Variants in WWTR1 observed in about 807,000 individuals in gnomAD.
WWTR1 encodes WW domain-containing transcription regulator protein 1.
In WWTR1, 13 loss-of-function variants were observed where a neutral mutation model predicts 40.1. The observed-to-expected ratio is 0.32, with a 90% CI of 0.21 to 0.52. The LOEUF is 0.52. Ranked by LOEUF, WWTR1 falls within the 20% of genes least tolerant of loss-of-function variation. The probability of loss-of-function intolerance (pLI) is 0.97; values close to 1 mark genes in which losing one functional copy is unlikely to be tolerated. For synonymous variants in WWTR1, 230 were observed against 210.1 expected (o/e 1.09, Z -0.82); for missense variants, 436 against 523.1 (o/e 0.83, Z 1.63).
At chr3:149,550,074 T>C (rs1180993347) in intron 3 of WWTR1, among the ~76,000 whole-genome samples, 3 of 152,300 alleles carry the variant, frequency 2.0e-5, no homozygotes, top group Non-Finnish European at 4.4e-5. Context: ...TCAATTTTAA[T>C]ATAAAACTAA....
chr3:149,614,050 G>A (rs1409186907), intron 2 of WWTR1, among the ~76,000 whole-genome samples: 1 of 152,158 alleles, frequency 6.6e-6, no homozygotes, highest in East Asian at 1.9e-4. Context: ...ATGTGTTCTT[G>A]CTTAAATGTC....
intron 2 of WWTR1, among the ~76,000 whole-genome samples, chr3:149,629,713 T>C (rs1466957768): frequency 6.6e-6 from 1 of 152,254 alleles, no homozygotes; most frequent in Non-Finnish European, 1.5e-5. Context: ...TTTAAACTGT[T>C]GATGACACAT....
chr3:149,640,110 C>T (rs1052409395), intron 2 of WWTR1, among the ~76,000 whole-genome samples: 1 of 152,112 alleles, frequency 6.6e-6, no homozygotes, highest in Non-Finnish European at 1.5e-5. Flanking sequence ...ATTCACGTAG[C>T]CCACTTTTCA....
At chr3:149,541,104 G>A (rs1217528142) in intron 4 of WWTR1, 1 of 452,926 alleles carries the variant, frequency 2.2e-6, no homozygotes, top group Admixed American at 2.4e-5. Context: ...GCAAAAGGAA[G>A]TTATTCATGT....
chr3:149,699,885 T>C (rs1387508845), intron 1 of WWTR1, among the ~76,000 whole-genome samples: 3 of 152,206 alleles, frequency 2.0e-5, no homozygotes, highest in African/African-American at 7.2e-5. Context: ...TCCAAAGCCA[T>C]TTCTACATCT....
chr3:149,701,889 TC>T, intron 1 of WWTR1: 2 of 177,648 alleles, frequency 1.1e-5, no homozygotes, highest in East Asian at 9.3e-5. Flanking sequence ...ACCCACCCCT[TC>T]CCCCCAGCCT....
intron 3 of WWTR1, among the ~76,000 whole-genome samples, chr3:149,567,064 T>C (rs777771253): frequency 1.9e-4 from 29 of 152,214 alleles, no homozygotes; most frequent in Non-Finnish European, 3.7e-4. Flanking sequence ...GTCTTTATTT[T>C]TTCCTGTACT....
chr3:149,687,740 T>C (rs1320282634), intron 1 of WWTR1, among the ~76,000 whole-genome samples: 1 of 151,942 alleles, frequency 6.6e-6, no homozygotes, highest in African/African-American at 2.4e-5. Context: ...TAAAAAGGAC[T>C]TTGTCTTGCA....
intron 5 of WWTR1, among the ~76,000 whole-genome samples, chr3:149,714,847 C>T (rs1576650504): frequency 1.3e-5 from 2 of 152,152 alleles, no homozygotes; most frequent in African/African-American, 2.4e-5. Flanking sequence ...ACTTCCTACC[C>T]TCTGAGGCCC....
intron 4 of WWTR1, 60 bp downstream of exon 4, chr3:149,542,275 A>T: frequency 6.4e-7 from 1 of 1,560,530 alleles, no homozygotes. Flanking sequence ...GCAGCTACCT[A>T]CCCATCAGCT....
intron 5 of WWTR1, among the ~76,000 whole-genome samples, chr3:149,715,138 G>C (rs1715572265): frequency 6.6e-6 from 1 of 152,286 alleles, no homozygotes; most frequent in South Asian, 2.1e-4. Flanking sequence ...ACAAGAACTC[G>C]GGACCCACCA....
At chr3:149,708,606 T>C (rs1715391869) in intron 5 of WWTR1, among the ~76,000 whole-genome samples, 1 of 152,386 alleles carries the variant, frequency 6.6e-6, no homozygotes, top group African/African-American at 2.4e-5. Context: ...CTTCACTTAA[T>C]ATGTCCTCAA....
At chr3:149,577,447 G>A (rs1255115553) in intron 2 of WWTR1, among the ~76,000 whole-genome samples, 1 of 152,130 alleles carries the variant, frequency 6.6e-6, no homozygotes, top group Non-Finnish European at 1.5e-5. Context: ...AGCGGGAGTG[G>A]GCTTTTTCCC....
Position 149,656,938 on chromosome 3 carries a change from C to T in WWTR1, c.369G>A (p.Glu123=). The T allele has an allele frequency of 1.3e-6, 2 of 1,575,056 alleles. No individual in the cohort carries two copies. Among genetic ancestry groups the T allele is most frequent in the Non-Finnish European group, 1.7e-6 (2 of 1,164,090 alleles). ...LRQQSYDVTD[E]LPLPPGWEMT... The stretch of plus-strand genomic sequence containing the variant: ...TCTCCCAGCCCGGGGGCAGTGGCAG[C>T]TCGTCGGTCACGTCGTAGGACTGCT... Residue 123 remains glutamate, a synonymous_variant, in exon 2 of 7, where the codon GAG becomes GAA. Transcript: ENST00000360632.
At chr3:149,622,578 C>T (rs533425305) in intron 2 of WWTR1, among the ~76,000 whole-genome samples, 6 of 151,824 alleles carry the variant, frequency 4.0e-5, no homozygotes, top group Non-Finnish European at 7.4e-5. Context: ...CGTCCAGGCG[C>T]AGTGGCTCAC....
chr3:149,597,383 C>A (rs1257648458), intron 2 of WWTR1, among the ~76,000 whole-genome samples: 2 of 146,440 alleles, frequency 1.4e-5, no homozygotes, highest in African/African-American at 5.1e-5. Context: ...ATAGATTGAG[C>A]CTAGAGGTTC....
chr3:149,622,085 T>C (rs1740305037), intron 2 of WWTR1, among the ~76,000 whole-genome samples: 5 of 152,194 alleles, frequency 3.3e-5, no homozygotes, highest in Admixed American at 3.3e-4. Flanking sequence ...CCCCCAGTCT[T>C]ATGACATGAT....
chr3:149,527,792 T>A (rs774967015), intron 5 of WWTR1, 44 bp downstream of exon 5: 2 of 1,611,048 alleles, frequency 1.2e-6, no homozygotes, highest in South Asian at 1.1e-5. Context: ...CTAGATCACA[T>A]AATAAAGAGA....
At chr3:149,668,613 A>AAAAAAAAAAAC (rs548038608) in intron 2 of WWTR1, among the ~76,000 whole-genome samples, 25,511 of 146,660 alleles carry the variant, frequency 0.17, 2,700 homozygotes, top group Admixed American at 0.27. Context: ...GTCTCAAAAA[A>AAAAAAAAAAAC]AACAACAAAA....
Sources: gnomAD v4.1 joint callset for allele counts (sites outside exome capture counted in the v4.1 genomes callset) on GRCh38, gnomAD v4.1.1 for gene constraint, MANE v1.5 for transcripts, NCBI Gene and HGNC (gene_info 2026-07-23, HGNC 2026-07-21) for gene names.